Variants in CNTN5 observed in about 807,000 individuals in gnomAD.
CNTN5 encodes contactin-5.
In CNTN5, 77 loss-of-function variants were observed where a neutral mutation model predicts 129.1. The observed-to-expected ratio is 0.60, with a 90% CI of 0.50 to 0.72. The LOEUF is 0.72. Ranked by LOEUF, CNTN5 falls within the 30% of genes least tolerant of loss-of-function variation. The probability of loss-of-function intolerance (pLI) is 0.00; values close to 1 mark genes in which losing one functional copy is unlikely to be tolerated. For synonymous variants in CNTN5, 509 were observed against 465.6 expected (o/e 1.09, Z -1.20); for missense variants, 1,478 against 1,328.8 (o/e 1.11, Z -1.75).
At chr11:99,747,366 AT>A in intron 3 of CNTN5, among the ~76,000 whole-genome samples, 1 of 151,670 alleles carries the variant, frequency 6.6e-6, no homozygotes, top group Non-Finnish European at 1.5e-5. Context: ...AACAGATACA[AT>A]TTTACTTCTT....
chr11:99,634,066 T>A (rs1234476572), intron 3 of CNTN5, among the ~76,000 whole-genome samples: 2 of 152,166 alleles, frequency 1.3e-5, no homozygotes, highest in Non-Finnish European at 2.9e-5. Flanking sequence ...TCCTCGGGTT[T>A]GTGTTTAGAA....
intron 18 of CNTN5, among the ~76,000 whole-genome samples, chr11:100,285,196 T>C (rs2138834202): frequency 6.6e-6 from 1 of 152,360 alleles, no homozygotes; most frequent in African/African-American, 2.4e-5. Context: ...TACAAACTAG[T>C]AATCATGAAA....
intron 8 of CNTN5, among the ~76,000 whole-genome samples, chr11:99,983,090 A>G (rs1938453489): frequency 6.6e-6 from 1 of 151,702 alleles, no homozygotes; most frequent in African/African-American, 2.4e-5. Context: ...ACTACAGTGC[A>G]GTGAAAGAGA....
rs138458537 is a variant in CNTN5 at position 99,871,980 on chromosome 11, A to G, written c.577+26718A>G. Among the ~76,000 whole-genome samples, 1,023 of 151,846 alleles carry G rather than the reference A, an allele frequency of 6.7e-3. 9 individuals are homozygous for G. The highest frequency in any genetic ancestry group is 0.023 in the African/African-American group (960 of 41,478). ...ATTAATATTGTTAAATTTATTAAAGAAAAACATAGCCCTTAGAGAAAAATA... is the reference window on the plus strand; with the variant it reads ...ATTAATATTGTTAAATTTATTAAAGGAAAACATAGCCCTTAGAGAAAAATA... On this transcript the variant is annotated intron_variant, in intron 6 of 24. Coordinates refer to ENST00000524871, the MANE Select transcript of CNTN5 (RefSeq NM_014361.4).
chr11:100,088,466 G>A (rs1018474422), intron 13 of CNTN5, among the ~76,000 whole-genome samples: 1 of 151,896 alleles, frequency 6.6e-6, no homozygotes, highest in African/African-American at 2.4e-5. Flanking sequence ...TCTTTAAAAG[G>A]ATAAGCAAAA....
chr11:99,567,203 A>G (rs1949033255), intron 3 of CNTN5, among the ~76,000 whole-genome samples: 1 of 152,152 alleles, frequency 6.6e-6, no homozygotes, highest in South Asian at 2.1e-4. Context: ...GCTTTTCAAC[A>G]TACCAGACAA....
In CNTN5 at chr11:99,361,013, A is replaced by G. The variant is rs372766244; in HGVS notation, c.-71+35529A>G. Among the ~76,000 whole-genome samples, 19 of 152,264 alleles carry G rather than the reference A, an allele frequency of 1.2e-4. No individual in the cohort carries two copies. The East Asian group carries it at 1.5e-3, about 12-fold the overall frequency. ...TATCACTCAAGAATTTCTGCTTTCCATAAAGCAGTAGGATACAAACACAAT... is the reference window on the plus strand; with the variant it reads ...TATCACTCAAGAATTTCTGCTTTCCGTAAAGCAGTAGGATACAAACACAAT... On this transcript the variant is annotated intron_variant, in intron 2 of 24. Transcript: ENST00000524871.
intron 13 of CNTN5, among the ~76,000 whole-genome samples, chr11:100,140,836 G>A (rs1946677004): frequency 6.6e-6 from 1 of 152,190 alleles, no homozygotes; most frequent in South Asian, 2.1e-4. Context: ...CAAAGTGTCA[G>A]TTGGGGCTAT....
At chr11:99,462,977 A>T (rs1462371898) in intron 2 of CNTN5, among the ~76,000 whole-genome samples, 1 of 151,808 alleles carries the variant, frequency 6.6e-6, no homozygotes, top group African/African-American at 2.4e-5. Context: ...GTGCGGTGGC[A>T]CATGCCTGTA....
chr11:99,292,379 A>G (rs1240422528), intron 1 of CNTN5, among the ~76,000 whole-genome samples: 1 of 150,402 alleles, frequency 6.6e-6, no homozygotes, highest in Non-Finnish European at 1.5e-5. Flanking sequence ...AAGACTTTCC[A>G]GTGAAATCAA....
intron 2 of CNTN5, among the ~76,000 whole-genome samples, chr11:99,362,482 T>TAAAAATA (rs1939178308): frequency 6.6e-6 from 1 of 152,038 alleles, no homozygotes; most frequent in African/African-American, 2.4e-5. Context: ...TTTTTAATTT[T>TAAAAATA]GATAAAAAAC....
At chr11:99,301,519 G>A (rs932767511) in intron 1 of CNTN5, among the ~76,000 whole-genome samples, 1 of 151,718 alleles carries the variant, frequency 6.6e-6, no homozygotes, top group African/African-American at 2.4e-5. Context: ...TATAAAAATA[G>A]TATCAATTCA....
chr11:99,150,732 A>G (rs972316500), intron 1 of CNTN5, among the ~76,000 whole-genome samples: 1 of 152,062 alleles, frequency 6.6e-6, no homozygotes, highest in Non-Finnish European at 1.5e-5. Flanking sequence ...ATTCAATTCT[A>G]TTTTAAAGTT....
At chr11:100,184,242 A>G (rs1948227854) in intron 13 of CNTN5, among the ~76,000 whole-genome samples, 1 of 152,194 alleles carries the variant, frequency 6.6e-6, no homozygotes, top group African/African-American at 2.4e-5. Context: ...TTATGTAATC[A>G]ATACTTTTAA....
At chr11:99,414,629 G>A (rs1942562999) in intron 2 of CNTN5, among the ~76,000 whole-genome samples, 1 of 152,100 alleles carries the variant, frequency 6.6e-6, no homozygotes, top group Non-Finnish European at 1.5e-5. Context: ...GTATGGGAGG[G>A]ATGTTTTGAG....
chr11:99,980,645 G>C (rs912957327), intron 8 of CNTN5, among the ~76,000 whole-genome samples: 5 of 152,106 alleles, frequency 3.3e-5, no homozygotes, highest in African/African-American at 1.2e-4. Flanking sequence ...GCAGTTCCCA[G>C]TTGCTGCTGC....
intron 13 of CNTN5, among the ~76,000 whole-genome samples, chr11:100,086,445 A>C (rs1944559239): frequency 6.6e-6 from 1 of 150,792 alleles, no homozygotes; most frequent in Non-Finnish European, 1.5e-5. Flanking sequence ...TGCTATTTCC[A>C]AACTAGTTAA....
At chr11:99,845,591 G>C (rs954821269) in intron 6 of CNTN5, among the ~76,000 whole-genome samples, 6 of 151,874 alleles carry the variant, frequency 4.0e-5, no homozygotes, top group African/African-American at 7.2e-5. Flanking sequence ...CCGGGATGGT[G>C]TCGATCTCCT....
intron 3 of CNTN5, among the ~76,000 whole-genome samples, chr11:99,623,217 T>C (rs1951012167): frequency 6.6e-6 from 1 of 152,076 alleles, no homozygotes; most frequent in Non-Finnish European, 1.5e-5. Flanking sequence ...CAGCTGTAGG[T>C]GATAAAACCT....
Sources: allele counts gnomAD v4.1 joint callset (sites outside exome capture counted in the v4.1 genomes callset), GRCh38; gene constraint gnomAD v4.1.1; transcripts MANE v1.5; gene names NCBI Gene and HGNC (gene_info 2026-07-23, HGNC 2026-07-21).